The following FLG2 variants were observed in gnomAD, a reference collection of about 807,000 sequenced individuals.
The protein encoded by FLG2 is filaggrin 2.
Under a neutral mutation model 3.9 loss-of-function variants are expected in FLG2, and 7 were observed. The observed-to-expected ratio is 1.79, with a 90% confidence interval of 1.02 to 3.36. FLG2 has a LOEUF of 3.36. FLG2 is among the 30% of genes most tolerant of loss of function. The pLI is 0.00. For missense variants in FLG2, 2,700 were observed against 2,809.4 expected (o/e 0.96, Z 0.88); for synonymous variants, 1,031 against 1,056.1 (o/e 0.98, Z 0.46).
intron 2 of FLG2, 56 bp downstream of exon 2, chr1:152,358,691 A>G (rs1462890272): frequency 2.6e-6 from 4 of 1,568,364 alleles, no homozygotes; most frequent in South Asian, 2.4e-5. Context: ...TCTGGGTCAT[A>G]CAACAGAGCT....
Position 152,353,230 on chromosome 1 carries a change from C to T in FLG2, c.4556G>A (p.Gly1519Glu), listed in dbSNP as rs759726003. 35 of 1,558,120 alleles carry T rather than the reference C, an allele frequency of 2.2e-5. No individual in the cohort carries two copies. The highest frequency in any genetic ancestry group is 2.9e-5 in the Non-Finnish European group (34 of 1,153,122). The change falls in exon 3 of 3, where the codon GGA becomes GAA. Residue 1519 changes from glycine (G) to glutamate (E), a missense_variant. Transcript: ENST00000388718. Reference sequence around the variant, plus strand: ...AGATCCACTTTGGCCGTGAGTGTGTCCTGAATGTGTGTGCGAGCCCCCTGA... The same window carrying T: ...AGATCCACTTTGGCCGTGAGTGTGTTCTGAATGTGTGTGCGAGCCCCCTGA... ...VHSGGSHTHS[G>E]HTHGQSGSQH...
rs576479170 is a variant in FLG2 at position 152,354,291 on chromosome 1, G to A, written c.3495C>T (p.Gly1165=). 5.0e-6 allele frequency: 8 copies of A among 1,614,196 alleles called. No individual in the cohort carries two copies. The African/African-American group carries it at 6.7e-5, about 13-fold the overall frequency. Residue 1165 remains glycine, a synonymous_variant, in exon 3 of 3, where the codon GGC becomes GGT. Coordinates refer to ENST00000388718, the MANE Select transcript of FLG2 (RefSeq NM_001014342.3). Reference sequence around the variant, plus strand: ...CTGAGCCAGACTCATGTTGGCCACAGCCAGATGATTGACTGGAGCCAGTAC... The same window carrying A: ...CTGAGCCAGACTCATGTTGGCCACAACCAGATGATTGACTGGAGCCAGTAC... ...QHGTGSSQSS[G]CGQHESGSGP... is the part of the protein sequence containing the mutation.
At position 152,352,841 on chromosome 1, in the gene FLG2, G is replaced by C; in HGVS notation, c.4945C>G (p.Gln1649Glu). 3 of 1,602,778 alleles carry C rather than the reference G, an allele frequency of 1.9e-6. No homozygotes were observed. Among genetic ancestry groups the C allele is most frequent in the Non-Finnish European group, 2.6e-6 (3 of 1,174,796 alleles). Residue 1649 changes from glutamine to glutamate, a missense_variant, in exon 3 of 3, where the codon CAG becomes GAG. Transcript: ENST00000388718. ...CTGGACTCACTGTGGCTAGATCTCT[G>C]TCTTCCAGTTGTCCTGGACCCTCTC... ...TQRGSRTTGR[Q>E]RSSHSESSDS...
Position 152,353,371 on chromosome 1 carries a change from G to T in FLG2, c.4415C>A (p.Thr1472Lys). ...HGRHGTTHGQ[T>K]GDTTRHAHYH... is the part of the protein sequence containing the mutation. Reference sequence around the variant, plus strand: ...GTGGGCATGTCTAGTGGTATCTCCTGTCTGTCCATGAGTAGTTCCGTGTCT... The same window carrying T: ...GTGGGCATGTCTAGTGGTATCTCCTTTCTGTCCATGAGTAGTTCCGTGTCT... The change falls in exon 3 of 3, where the codon ACA (threonine) becomes AAA (lysine). Residue 1472 changes from threonine (T) to lysine (K), a missense_variant. Transcript: ENST00000388718. 2 of 1,610,826 alleles carry T rather than the reference G, an allele frequency of 1.2e-6. No individual in the cohort carries two copies. The highest frequency in any genetic ancestry group is 1.7e-6 in the Non-Finnish European group (2 of 1,178,966).
chr1:152,352,262 C>T lies in FLG2; in HGVS notation c.5524G>A (p.Glu1842Lys), dbSNP rs756409620. The T allele has an allele frequency of 2.8e-5, 45 of 1,613,500 alleles. No homozygotes were observed. The African/African-American group carries it at 3.7e-4, about 13-fold the overall frequency. ...TGTCCATGAGTAGTTCCATGTCTCT[C>T]GTCAACTATGGATTCTGACTCTCCA... is the stretch of plus-strand genomic sequence containing the variant. ...QHGESESIVD[E>K]RHGTTHGQTG... The change falls in exon 3 of 3, where the codon GAG becomes AAG. Residue 1842 changes from glutamate (E) to lysine (K), a missense_variant. Physicochemically the swap from Glu to Lys is moderately conservative, Grantham distance 56. Transcript: ENST00000388718.
rs1646474017 is a variant in FLG2 at position 152,357,351 on chromosome 1, C to G, written c.435G>C (p.Gly145=). 5 of 1,614,018 alleles carry G rather than the reference C, an allele frequency of 3.1e-6. No individual in the cohort carries two copies. In the Admixed American group the frequency reaches 8.3e-5, roughly 27 times the overall value. ...TACATTTCACAGTTCCCCTTGAGTG[C>G]CCAGAACTATATCCATGCTCCTCTC... ...SEGEEHGYSS[G]HSRGTVKCRH... Residue 145 remains glycine (G), a synonymous_variant, in exon 3 of 3, where the codon GGG becomes GGC. Coordinates refer to ENST00000388718, the MANE Select transcript of FLG2 (RefSeq NM_001014342.3).
rs1004691719 is a variant in FLG2, at chr1:152,354,070, G to A, written c.3716C>T (p.Thr1239Ile). ...AGTGGTATTTATTGTCTGACCATGAGTAGTTTCCTGTCTCCCATGAACTGT... is the reference window on the plus strand; with the variant it reads ...AGTGGTATTTATTGTCTGACCATGAATAGTTTCCTGTCTCCCATGAACTGT... ...GSTVHGRQETTHGQTINTTRH... is the reference protein window; with the variant it reads ...GSTVHGRQETIHGQTINTTRH... The change falls in exon 3 of 3, where the codon ACT (threonine) becomes ATT (isoleucine). Residue 1239 changes from threonine to isoleucine, a missense_variant. Physicochemically the swap from Thr to Ile is moderately conservative, Grantham distance 89. Coordinates refer to ENST00000388718, the MANE Select transcript of FLG2 (RefSeq NM_001014342.3). The A allele has an allele frequency of 1.2e-6, 2 of 1,614,222 alleles. No individual in the cohort carries two copies. The highest frequency in any genetic ancestry group is 1.7e-5 in the Admixed American group (1 of 60,034).
rs1230855009 is a variant in FLG2, at chr1:152,352,497, A to G, written c.5289T>C (p.Val1763=). 2.5e-6 allele frequency: 4 copies of G among 1,612,430 alleles called. No homozygotes were observed. The highest frequency in any genetic ancestry group is 2.2e-5 in the East Asian group (1 of 44,750). Residue 1763 remains valine (V), a synonymous_variant, in exon 3 of 3, where the codon GTT becomes GTC. Coordinates refer to ENST00000388718, the MANE Select transcript of FLG2 (RefSeq NM_001014342.3). The part of the protein sequence containing the change: ...RSQHGESESI[V]HERHGTIHGQ... ...CATGTATAGTTCCATGTCTCTCATG[A>G]ACTATGGATTCTGACTCTCCATGTT...
Position 152,350,678 on chromosome 1 carries a change from T to C in FLG2, c.7108A>G (p.Ser2370Gly), listed in dbSNP as rs777618046. ...CATGAAAGGTGAGAATTACTGATGCTTTTTCTGCTGCCACCAGAAGGCCCA... is the reference window on the plus strand; with the variant it reads ...CATGAAAGGTGAGAATTACTGATGCCTTTTCTGCTGCCACCAGAAGGCCCA... ...GYGPSGGSRK[S>G]ISNSHLSWST... Residue 2370 changes from serine to glycine, a missense_variant, in exon 3 of 3, where the codon AGC becomes GGC. Ser to Gly is a moderately conservative substitution (Grantham distance 56). Coordinates refer to ENST00000388718, the MANE Select transcript of FLG2 (RefSeq NM_001014342.3). 4.3e-6 allele frequency: 7 copies of C among 1,614,208 alleles called. No homozygotes were observed. The highest frequency in any genetic ancestry group is 5.1e-6 in the Non-Finnish European group (6 of 1,180,032).
Position 152,354,372 on chromosome 1 carries a change from G to A in FLG2, c.3414C>T (p.Ser1138=), listed in dbSNP as rs1369764650. The A allele has an allele frequency of 6.2e-7, 1 of 1,614,030 alleles. No homozygotes were observed. Among genetic ancestry groups the A allele is most frequent in the South Asian group, 1.1e-5 (1 of 91,068 alleles). ...FGQHGSGTGK[S]SGFAQHEYRS... ...TGTACTCATGCTGTGCAAAGCCAGA[G>A]GATTTACCTGTGCCTGACCCATGTT... is the stretch of plus-strand genomic sequence containing the variant. The change falls in exon 3 of 3, where the codon TCC becomes TCT. Residue 1138 remains serine, a synonymous_variant. Coordinates refer to ENST00000388718, the MANE Select transcript of FLG2 (RefSeq NM_001014342.3).
In FLG2 at chr1:152,352,000, G is replaced by A. The variant is rs1653954949; in HGVS notation, c.5786C>T (p.Thr1929Ile). ...ATGACTAGGGTGGCCATGTTCAGTG[G>A]TATCTCCTGTCTGTCCATGAGTAGT... is the stretch of plus-strand genomic sequence containing the variant. ...HQTTHGQTGD[T>I]TEHGHPSHGQ... The change falls in exon 3 of 3, where the codon ACC (threonine) becomes ATC (isoleucine). Residue 1929 changes from threonine (T) to isoleucine (I), a missense_variant. Thr to Ile is a moderately conservative substitution (Grantham distance 89, BLOSUM62 -1). Coordinates refer to ENST00000388718, the MANE Select transcript of FLG2 (RefSeq NM_001014342.3). 2 of 1,613,854 alleles carry A rather than the reference G, an allele frequency of 1.2e-6. No individual in the cohort carries two copies. Among genetic ancestry groups the A allele is most frequent in the Non-Finnish European group, 1.7e-6 (2 of 1,179,954 alleles).
rs1653864632 is a variant in FLG2, at chr1:152,350,476, A to G, written c.*134T>C. 1.7e-6 allele frequency: 2 copies of G among 1,170,420 alleles called. No individual in the cohort carries two copies. The highest frequency in any genetic ancestry group is 2.3e-6 in the Non-Finnish European group (2 of 851,070). The allele number at this position is 1,170,420 out of a possible 1,614,324, so 72.5% of individuals were successfully genotyped here. ...ATGACTAGATTCCTGACTTCTTATA[A>G]TAATAGGTCGAGACTGATACTGAGA... On this transcript the variant is annotated 3_prime_UTR_variant, in exon 3 of 3. Transcript: ENST00000388718.
chr1:152,351,211 G>T lies in FLG2; in HGVS notation c.6575C>A (p.Ala2192Asp). Residue 2192 changes from alanine to aspartate, a missense_variant, in exon 3 of 3, where the codon GCC (alanine) becomes GAC (aspartate). Physicochemically the swap from Ala to Asp is moderately radical, Grantham distance 126 (BLOSUM62 -2). Coordinates refer to ENST00000388718, the MANE Select transcript of FLG2 (RefSeq NM_001014342.3). Reference sequence around the variant, plus strand: ...AGTGTGTCCTGAATGTGTGGGTGAGGCCTCTGAGTGCACTTCACTATCACT... The same window carrying T: ...AGTGTGTCCTGAATGTGTGGGTGAGTCCTCTGAGTGCACTTCACTATCACT... ...ESSDSEVHSEASPTHSGHTHS... is the reference protein window; with the variant it reads ...ESSDSEVHSEDSPTHSGHTHS... 3 of 1,608,840 alleles carry T rather than the reference G, an allele frequency of 1.9e-6. No homozygotes were observed. The highest frequency in any genetic ancestry group is 2.5e-6 in the Non-Finnish European group (3 of 1,178,352).
intron 1 of FLG2, among the ~76,000 whole-genome samples, chr1:152,359,719 G>A (rs975286161): frequency 6.6e-6 from 1 of 152,004 alleles, no homozygotes; most frequent in African/African-American, 2.4e-5. Context: ...AGAGGAAGGT[G>A]AACTTTTACT....
chr1:152,357,695 A>G, intron 2 of FLG2, 48 bp from the exon 3 acceptor site: 1 of 1,311,432 alleles, frequency 7.6e-7, no homozygotes, highest in African/African-American at 1.5e-5. Flanking sequence ...CCTAACCTGC[A>G]TACTCAACTA....
Position 152,356,467 on chromosome 1 carries a change from G to A in FLG2, c.1319C>T (p.Ser440Phe). The change falls in exon 3 of 3, where the codon TCT becomes TTT. Residue 440 changes from serine (S) to phenylalanine (F), a missense_variant. Ser to Phe is a radical substitution (Grantham distance 155, BLOSUM62 -2). Transcript: ENST00000388718. ...EQHGTGLSQS[S>F]GFEQHVCGSG... ...GCCACATACATGTTGTTCGAACCCA[G>A]AGGACTGACTCAAGCCTGTTCCATG... The A allele has an allele frequency of 6.2e-7, 1 of 1,614,264 alleles. No individual in the cohort carries two copies. The highest frequency in any genetic ancestry group is 8.5e-7 in the Non-Finnish European group (1 of 1,180,048).
intron 1 of FLG2, among the ~76,000 whole-genome samples, 184 bp from the exon 2 acceptor site, chr1:152,359,090 G>T (rs574058617): frequency 6.6e-6 from 1 of 152,246 alleles, no homozygotes; most frequent in East Asian, 1.9e-4. Flanking sequence ...TTAACTTTGA[G>T]TTACTTTTCT....
rs769733759 is a variant in FLG2, at chr1:152,352,648, G to A, written c.5138C>T (p.Thr1713Ile). 6.2e-7 allele frequency: 1 copy of A among 1,613,790 alleles called. No individual in the cohort carries two copies. The highest frequency in any genetic ancestry group is 8.5e-7 in the Non-Finnish European group (1 of 1,179,928). The stretch of plus-strand genomic sequence containing the variant: ...AGTAGTCCTGGACCCTGTCTGTGTG[G>A]TTAATCCATGATGATAGTGGGCATG... ...TRHAHYHHGL[T>I]TQTGSRTTGR... is the part of the protein sequence containing the mutation. The change falls in exon 3 of 3, where the codon ACC becomes ATC. Residue 1713 changes from threonine (T) to isoleucine (I), a missense_variant. Coordinates refer to ENST00000388718, the MANE Select transcript of FLG2 (RefSeq NM_001014342.3).
rs201802558 is a variant in FLG2, at chr1:152,353,002, C to T, written c.4784G>A (p.Arg1595Gln). The T allele has an allele frequency of 1.1e-4, 174 of 1,596,804 alleles. 1 individual carries two copies. Among genetic ancestry groups the T allele is most frequent in the African/African-American group, 2.0e-4 (14 of 69,784 alleles). ...HSGGSHRPHS[R>Q]EHTYGQAGSQ... Reference sequence around the variant, plus strand: ...TCCGGCTTGGCCGTAAGTGTGTTCTCGTGAGTGTGGTCTGTGTGAGCCCCC... The same window carrying T: ...TCCGGCTTGGCCGTAAGTGTGTTCTTGTGAGTGTGGTCTGTGTGAGCCCCC... Residue 1595 changes from arginine (R) to glutamine (Q), a missense_variant, in exon 3 of 3, where the codon CGA becomes CAA. Coordinates refer to ENST00000388718, the MANE Select transcript of FLG2 (RefSeq NM_001014342.3).
Sources: gnomAD v4.1 joint callset for allele counts (sites outside exome capture counted in the v4.1 genomes callset) on GRCh38, gnomAD v4.1.1 for gene constraint, MANE v1.5 for transcripts, NCBI Gene and HGNC (gene_info 2026-07-23, HGNC 2026-07-21) for gene names.